The following RANBP17 variants were observed in gnomAD, a reference collection of about 807,000 sequenced individuals.
The protein encoded by RANBP17 is RAN binding protein 17.
Under a neutral mutation model 141.2 loss-of-function variants are expected in RANBP17, and 158 were observed. The observed-to-expected ratio is 1.12, with a 90% CI of 0.98 to 1.28. RANBP17 has a LOEUF of 1.28. Among genes scored for constraint, RANBP17 ranks in the 50% most tolerant of loss-of-function variants. The pLI is 0.00. For synonymous variants in RANBP17, 430 were observed against 450.0 expected (o/e 0.96, Z 0.56); for missense variants, 1,438 against 1,290.7 (o/e 1.11, Z -1.75).
At chr5:171,120,635 T>G (rs1208331177) in intron 14 of RANBP17, among the ~76,000 whole-genome samples, 1 of 152,262 alleles carries the variant, frequency 6.6e-6, no homozygotes, top group Admixed American at 6.5e-5. Context: ...TTGAATTGTC[T>G]AGCTGTATTC....
At chr5:171,256,192 G>A (rs899979532) in intron 24 of RANBP17, among the ~76,000 whole-genome samples, 23 of 152,272 alleles carry the variant, frequency 1.5e-4, no homozygotes, top group African/African-American at 5.1e-4. Context: ...AGGCTAAAGC[G>A]CTCATGTCCT....
At chr5:171,190,780 G>A (rs754304382) in intron 18 of RANBP17, among the ~76,000 whole-genome samples, 1 of 152,198 alleles carries the variant, frequency 6.6e-6, no homozygotes, top group Non-Finnish European at 1.5e-5. Context: ...AAGAGGGTAG[G>A]TGTGGCAAGG....
At chr5:171,211,252 T>TA (rs1762862336) in intron 20 of RANBP17, among the ~76,000 whole-genome samples, 1 of 152,134 alleles carries the variant, frequency 6.6e-6, no homozygotes, top group South Asian at 2.1e-4. Context: ...TTCCCTGCCT[T>TA]ATTTTCCTTT....
chr5:171,216,434 C>T (rs1166674866), intron 21 of RANBP17, among the ~76,000 whole-genome samples: 2 of 151,974 alleles, frequency 1.3e-5, no homozygotes, highest in African/African-American at 2.4e-5. Flanking sequence ...TCTAGTTCTG[C>T]GAAGAAAGAT....
Position 171,086,175 on chromosome 5 carries a change from G to A in RANBP17, c.1711-83955G>A, listed in dbSNP as rs1322439698. On this transcript the variant is annotated intron_variant, in intron 14 of 27. Transcript: ENST00000523189. ...TTTATTGAGAGTTTTTAGCATGAAG[G>A]GTTGTTGAATTTTGTCAAAGGCTTT... Among the ~76,000 whole-genome samples the A allele has an allele frequency of 6.8e-5, 9 of 132,140 alleles. No homozygotes were observed. In the South Asian group the frequency reaches 1.5e-3, roughly 22 times the overall value. 86.7% of individuals were successfully genotyped at this position (132,140 alleles called of 152,430 possible).
chr5:170,908,789 G>A (rs1581120183), intron 5 of RANBP17, among the ~76,000 whole-genome samples: 1 of 151,846 alleles, frequency 6.6e-6, no homozygotes, highest in African/African-American at 2.4e-5. Context: ...TGGCAATCGA[G>A]TATAATCTAA....
At chr5:171,249,755 A>T (rs768319998) in intron 24 of RANBP17, among the ~76,000 whole-genome samples, 1 of 152,212 alleles carries the variant, frequency 6.6e-6, no homozygotes, top group Non-Finnish European at 1.5e-5. Context: ...CCAAGCCTTC[A>T]TGACATATGA....
At chr5:171,012,045 C>T in intron 14 of RANBP17, among the ~76,000 whole-genome samples, 1 of 146,840 alleles carries the variant, frequency 6.8e-6, no homozygotes, top group East Asian at 2.0e-4. Flanking sequence ...TTTGTTTAAA[C>T]AAATTATATT....
intron 18 of RANBP17, among the ~76,000 whole-genome samples, chr5:171,185,750 A>G (rs920818094): frequency 6.6e-6 from 1 of 152,212 alleles, no homozygotes; most frequent in African/African-American, 2.4e-5. Flanking sequence ...GTCGTCCATG[A>G]GAGTTGGAAT....
intron 14 of RANBP17, among the ~76,000 whole-genome samples, chr5:171,077,754 T>C (rs751190497): frequency 2.0e-5 from 3 of 152,222 alleles, no homozygotes; most frequent in South Asian, 2.1e-4. Context: ...CACCAAGATA[T>C]TAAAAGTGCT....
intron 25 of RANBP17, among the ~76,000 whole-genome samples, chr5:171,274,843 A>C (rs1395373204): frequency 6.6e-6 from 1 of 152,222 alleles, no homozygotes; most frequent in Non-Finnish European, 1.5e-5. Flanking sequence ...CTAAGAGAAG[A>C]TTATATCATA....
At chr5:170,929,142 A>G (rs999714724) in intron 12 of RANBP17, among the ~76,000 whole-genome samples, 4 of 152,040 alleles carry the variant, frequency 2.6e-5, no homozygotes, top group Admixed American at 6.6e-5. Flanking sequence ...TATTTCATAG[A>G]TTCTTAGGAT....
At chr5:171,258,160 C>CA (rs1202812703) in intron 24 of RANBP17, among the ~76,000 whole-genome samples, 1 of 145,122 alleles carries the variant, frequency 6.9e-6, no homozygotes, top group African/African-American at 2.5e-5. Context: ...CACACACACA[C>CA]CCCTAGGAAT....
intron 5 of RANBP17, 199 bp downstream of exon 5, chr5:170,896,314 T>G (rs1229826934): frequency 5.4e-6 from 3 of 559,278 alleles, no homozygotes; most frequent in Non-Finnish European, 9.4e-6. Flanking sequence ...TGAAGATATC[T>G]GCAATAGTAC....
intron 14 of RANBP17, among the ~76,000 whole-genome samples, chr5:170,986,463 C>A (rs568989991): frequency 2.6e-5 from 4 of 151,848 alleles, no homozygotes; most frequent in African/African-American, 9.7e-5. Context: ...ATGCTCCTAA[C>A]ACAAATGGCA....
chr5:171,042,110 A>G (rs1043527091), intron 14 of RANBP17, among the ~76,000 whole-genome samples: 1 of 152,066 alleles, frequency 6.6e-6, no homozygotes, highest in East Asian at 1.9e-4. Context: ...TCTATGATAT[A>G]TATGTACCAC....
chr5:171,214,470 A>T (rs754311893), intron 21 of RANBP17, among the ~76,000 whole-genome samples: 4 of 152,204 alleles, frequency 2.6e-5, no homozygotes, highest in Non-Finnish European at 5.9e-5. Flanking sequence ...ATTACATGTC[A>T]CTTAGCCATC....
chr5:171,026,120 A>G (rs1781214858), intron 14 of RANBP17, among the ~76,000 whole-genome samples: 1 of 152,180 alleles, frequency 6.6e-6, no homozygotes, highest in African/African-American at 2.4e-5. Context: ...CCTGTAATTT[A>G]TTATTTCTCT....
At chr5:171,067,844 T>G (rs1435528909) in intron 14 of RANBP17, among the ~76,000 whole-genome samples, 2 of 152,160 alleles carry the variant, frequency 1.3e-5, no homozygotes, top group South Asian at 2.1e-4. Context: ...TTCTTTATAA[T>G]GTGTCTTTGT....
Sources: allele counts gnomAD v4.1 joint callset (sites outside exome capture counted in the v4.1 genomes callset), GRCh38; gene constraint gnomAD v4.1.1; transcripts MANE v1.5; gene names NCBI Gene and HGNC (gene_info 2026-07-23, HGNC 2026-07-21).